Variants in COBLL1 observed in about 807,000 individuals in gnomAD.
COBLL1 encodes the protein cordon-bleu WH2 repeat protein like 1, also known as cordon-bleu protein-like 1.
In COBLL1, 50 loss-of-function variants were observed where a neutral mutation model predicts 94.8. The ratio of observed to expected loss-of-function variants is 0.53; its 90% CI spans 0.42 to 0.67. The LOEUF (loss-of-function observed/expected upper bound fraction) is 0.67. COBLL1 is among the 30% of genes least tolerant of loss of function. The pLI is 0.00. For missense variants in COBLL1, 1,362 were observed against 1,348.7 expected, an observed-to-expected ratio of 1.01 and a Z score of -0.15; for synonymous variants, 448 against 473.8, an observed-to-expected ratio of 0.95 and a Z score of 0.71.
downstream of COBLL1, among the ~76,000 whole-genome samples, chr2:164,678,827 C>A (rs1682912136): frequency 6.6e-6 from 1 of 152,128 alleles, no homozygotes; most frequent in Non-Finnish European, 1.5e-5. Flanking sequence ...GTCTATAATT[C>A]TTGGAGGACT....
chr2:164,703,276 G>GC, intron 9 of COBLL1: 1 of 1,104,958 alleles, frequency 9.1e-7, no homozygotes. Flanking sequence ...GTTAAGGCAA[G>GC]CAGAGACCAA....
At chr2:164,809,234 A>G (rs1684341271) in intron 2 of COBLL1, among the ~76,000 whole-genome samples, 1 of 152,050 alleles carries the variant, frequency 6.6e-6, no homozygotes, top group South Asian at 2.1e-4. Flanking sequence ...CAGTTTATAT[A>G]TTTTAATATT....
intron 2 of COBLL1, among the ~76,000 whole-genome samples, chr2:164,767,801 C>A (rs763625726): frequency 7.9e-5 from 12 of 152,032 alleles, no homozygotes; most frequent in Non-Finnish European, 1.6e-4. Context: ...ATGAAAACAG[C>A]TCTTCCTGTT....
intron 2 of COBLL1, among the ~76,000 whole-genome samples, chr2:164,781,373 T>A (rs571233081): frequency 1.4e-4 from 21 of 152,220 alleles, no homozygotes; most frequent in Non-Finnish European, 5.9e-5. Flanking sequence ...AAAATAAAAT[T>A]GCTACTAACA....
At chr2:164,701,293 G>A (rs552927327) in intron 9 of COBLL1, among the ~76,000 whole-genome samples, 70 of 152,276 alleles carry the variant, frequency 4.6e-4, no homozygotes, top group Non-Finnish European at 8.1e-4. Flanking sequence ...GAAGGGTGGG[G>A]CAAGGGATTT....
At chr2:164,837,104 C>A (rs959929221) in intron 2 of COBLL1, among the ~76,000 whole-genome samples, 6 of 152,170 alleles carry the variant, frequency 3.9e-5, no homozygotes, top group African/African-American at 1.4e-4. Flanking sequence ...TCAATTAACT[C>A]CATAGCTCCA....
At position 164,786,991 on chromosome 2, in the gene COBLL1, C is replaced by G. The variant is rs1688991103; in HGVS notation, c.42-43116G>C. 3.9e-5 allele frequency among the ~76,000 whole-genome samples: 6 copies of G among 152,260 alleles called. No individual in the cohort carries two copies. The South Asian group carries it at 1.2e-3, about 32-fold the overall frequency. On this transcript the variant is annotated intron_variant, in intron 2 of 13. Coordinates refer to ENST00000652658, the MANE Select transcript of COBLL1 (RefSeq NM_001365672.2). ...CAGTCAGCATTTTCCTGAAGCCCTTCTGCACTAATGTATGACTGTAGTTCA... is the reference window on the plus strand; with the variant it reads ...CAGTCAGCATTTTCCTGAAGCCCTTGTGCACTAATGTATGACTGTAGTTCA...
chr2:164,690,612 T>G (rs775719911), intron 13 of COBLL1, among the ~76,000 whole-genome samples: 12 of 152,194 alleles, frequency 7.9e-5, no homozygotes, highest in Non-Finnish European at 1.3e-4. Flanking sequence ...TTGAAACTGA[T>G]GAATATCTTC....
At chr2:164,690,874 T>C (rs563498783) in intron 13 of COBLL1, among the ~76,000 whole-genome samples, 20 of 152,274 alleles carry the variant, frequency 1.3e-4, no homozygotes, top group African/African-American at 4.3e-4. Context: ...ATTTACAAGA[T>C]CAGAAAAAGA....
At position 164,785,226 on chromosome 2, in the gene COBLL1, T is replaced by C. The variant is rs956345369; in HGVS notation, c.42-41351A>G. ...AAACATGGCGAAATCCCATCTTTAC[T>C]AAAAATACAAAAATTAGCTGGGTGT... On this transcript the variant is annotated intron_variant, in intron 2 of 13. Transcript: ENST00000652658. Among the ~76,000 whole-genome samples, 5 of 152,138 alleles carry C rather than the reference T, an allele frequency of 3.3e-5. No homozygotes were observed. The East Asian group carries it at 5.8e-4, about 18-fold the overall frequency.
chr2:164,774,861 T>G (rs1457881188), intron 2 of COBLL1, among the ~76,000 whole-genome samples: 2 of 121,756 alleles, frequency 1.6e-5, no homozygotes, highest in Admixed American at 1.6e-4. Context: ...TGTATCACTT[T>G]TTTCAAAAAA....
chr2:164,729,047 G>A (rs1056398419), intron 4 of COBLL1, among the ~76,000 whole-genome samples: 24 of 151,438 alleles, frequency 1.6e-4, no homozygotes, highest in Middle Eastern at 6.8e-3. Flanking sequence ...AAAACAGCAG[G>A]GATATGTAAT....
rs561106287 is a variant in COBLL1, at chr2:164,772,323, TA to T, written c.42-28449del. The stretch of plus-strand genomic sequence containing the variant: ...AATGTAAATCTCATGTATTTATTTT[TA>T]TAGGAAATTTACATTTGAATTATAT... On this transcript the variant is annotated intron_variant, in intron 2 of 13. Coordinates refer to ENST00000652658, the MANE Select transcript of COBLL1 (RefSeq NM_001365672.2). Among the ~76,000 whole-genome samples, 360 of 152,182 alleles carry T rather than the reference TA, an allele frequency of 2.4e-3. 2 individuals carry two copies. Among genetic ancestry groups the T allele is most frequent in the African/African-American group, 8.2e-3 (340 of 41,552 alleles).
intron 2 of COBLL1, among the ~76,000 whole-genome samples, chr2:164,664,275 T>A (rs1187649156): frequency 6.6e-6 from 1 of 152,140 alleles, no homozygotes; most frequent in Admixed American, 6.6e-5. Flanking sequence ...AACAAGGGAG[T>A]CATCCCATGG....
chr2:164,729,876 A>C, intron 4 of COBLL1, 38 bp downstream of exon 4: 1 of 1,526,218 alleles, frequency 6.6e-7, no homozygotes, highest in Non-Finnish European at 9.1e-7. Flanking sequence ...GCTGATAATG[A>C]CTGAATAAGA....
chr2:164,779,799 G>A (rs1688650816), intron 2 of COBLL1: 1 of 468,524 alleles, frequency 2.1e-6, no homozygotes, highest in Non-Finnish European at 4.4e-6. Flanking sequence ...GAGGGAAAGA[G>A]AAGACTTAAG....
downstream of COBLL1, among the ~76,000 whole-genome samples, chr2:164,679,939 A>AAAT (rs535463767): frequency 0.028 from 4,226 of 150,268 alleles, 140 homozygotes; most frequent in African/African-American, 0.084. Context: ...ATATAAATAT[A>AAAT]AATAATAATA....
At chr2:164,661,116 G>A (rs1018128259) in intron 2 of COBLL1, among the ~76,000 whole-genome samples, 5 of 152,022 alleles carry the variant, frequency 3.3e-5, no homozygotes, top group African/African-American at 1.2e-4. Flanking sequence ...AGTTTGGGAG[G>A]AGAACATTAC....
intron 2 of COBLL1, among the ~76,000 whole-genome samples, chr2:164,749,843 CAT>C (rs1331589279): frequency 6.6e-6 from 1 of 152,002 alleles, no homozygotes; most frequent in African/African-American, 2.4e-5. Flanking sequence ...GGGTCCAAAT[CAT>C]AGACAACTGT....
Sources: gnomAD v4.1 joint callset for allele counts (sites outside exome capture counted in the v4.1 genomes callset) on GRCh38, gnomAD v4.1.1 for gene constraint, MANE v1.5 for transcripts, NCBI Gene and HGNC (gene_info 2026-07-23, HGNC 2026-07-21) for gene names.